FABP7: variants seen among roughly 807,000 people sequenced by gnomAD.
The protein encoded by FABP7 is fatty acid binding protein 7, also known as fatty acid-binding protein, brain.
A neutral mutation model predicts 14.2 loss-of-function variants in FABP7; 13 were observed. The ratio of observed to expected loss-of-function variants is 0.91; its 90% CI spans 0.59 to 1.45. The LOEUF (loss-of-function observed/expected upper bound fraction) is 1.45. Among genes scored for constraint, FABP7 ranks in the 40% most tolerant of loss-of-function variants. FABP7 has a pLI of 0.00. For missense variants in FABP7, 149 were observed against 157.6 expected, an observed-to-expected ratio of 0.95 and a Z score of 0.29; for synonymous variants, 49 against 51.4, an observed-to-expected ratio of 0.95 and a Z score of 0.20.
At chr6:122,757,414 C>T in the FABP7 span, among the ~76,000 whole-genome samples, 1 of 151,946 alleles carries the variant, frequency 6.6e-6, no homozygotes, top group Admixed American at 6.6e-5. Flanking sequence ...TATCGTGATA[C>T]TACTATAAAG....
At chr6:122,778,403 C>T (rs115764984), upstream of FABP7, among the ~76,000 whole-genome samples, 262 of 152,216 alleles carry the variant, frequency 1.7e-3, 1 homozygote, top group African/African-American at 6.0e-3. Context: ...CTTGAGACAC[C>T]GAAGAAGAAT....
the FABP7 span, among the ~76,000 whole-genome samples, chr6:122,760,711 CT>C: frequency 1.3e-5 from 2 of 151,828 alleles, no homozygotes; most frequent in Admixed American, 6.6e-5. Flanking sequence ...ATAAGTGGTT[CT>C]TTTTTACAAA....
intron 3 of FABP7, chr6:122,781,940 C>T (rs1301137330): frequency 6.4e-5 from 32 of 503,784 alleles, no homozygotes; most frequent in Non-Finnish European, 7.4e-5. Flanking sequence ...GATGGGATTT[C>T]GCCATGTTGC....
chr6:122,775,181 C>A (rs1780650164), upstream of FABP7, among the ~76,000 whole-genome samples: 1 of 151,922 alleles, frequency 6.6e-6, no homozygotes, highest in Non-Finnish European at 1.5e-5. Context: ...ACAAAAGACT[C>A]CAAATAGCCA....
the FABP7 span, among the ~76,000 whole-genome samples, chr6:122,773,882 T>TG: frequency 6.6e-6 from 1 of 150,784 alleles, no homozygotes; most frequent in African/African-American, 2.4e-5. Flanking sequence ...ATTTCACTAC[T>TG]TTTTAAAAAA....
At chr6:122,772,797 C>A in the FABP7 span, among the ~76,000 whole-genome samples, 6 of 152,068 alleles carry the variant, frequency 3.9e-5, no homozygotes, top group Non-Finnish European at 8.8e-5. Context: ...TTTTTTCCTA[C>A]CCCCACACCT....
At chr6:122,753,492 C>T in the FABP7 span, among the ~76,000 whole-genome samples, 1 of 152,132 alleles carries the variant, frequency 6.6e-6, no homozygotes, top group Admixed American at 6.5e-5. Context: ...TCCCCAAGTT[C>T]TCGCCCATCT....
At chr6:122,765,553 T>C in the FABP7 span, among the ~76,000 whole-genome samples, 1 of 152,060 alleles carries the variant, frequency 6.6e-6, no homozygotes, top group African/African-American at 2.4e-5. Flanking sequence ...TTCTGTCTTG[T>C]CTAATATTTT....
chr6:122,752,375 T>C, the FABP7 span, among the ~76,000 whole-genome samples: 1 of 152,206 alleles, frequency 6.6e-6, no homozygotes, highest in African/African-American at 2.4e-5. Flanking sequence ...TGTGGTTCTA[T>C]GGGTAATATT....
chr6:122,781,740 CTT>C (rs34336029), intron 3 of FABP7: 20,512 of 730,240 alleles, frequency 0.028, 1 homozygote, highest in Non-Finnish European at 0.03. Context: ...AGTGATAACC[CTT>C]TTTTTTTTTT....
the FABP7 span, among the ~76,000 whole-genome samples, chr6:122,758,229 T>A: frequency 2.3e-4 from 34 of 151,000 alleles, no homozygotes; most frequent in Non-Finnish European, 5.9e-5. Context: ...TGTCTCAGCC[T>A]CCCAAGTAGC....
At chr6:122,782,606 T>G (rs1254922052) in intron 3 of FABP7, 6 of 985,304 alleles carry the variant, frequency 6.1e-6, no homozygotes, top group African/African-American at 1.7e-5. Flanking sequence ...AATGGTATAT[T>G]GATGATACTG....
intron 2 of FABP7, 70 bp from the exon 3 acceptor site, chr6:122,781,023 A>C (rs1582519654): frequency 6.6e-7 from 1 of 1,508,280 alleles, no homozygotes; most frequent in Non-Finnish European, 8.9e-7. Context: ...TTCAAAAATC[A>C]CATCGTCTTC....
chr6:122,768,205 C>T, the FABP7 span, among the ~76,000 whole-genome samples: 3 of 152,158 alleles, frequency 2.0e-5, no homozygotes, highest in South Asian at 4.1e-4. Flanking sequence ...CATTGAAACT[C>T]TGTCAATATT....
chr6:122,749,411 A>G, the FABP7 span, among the ~76,000 whole-genome samples: 1 of 152,218 alleles, frequency 6.6e-6, no homozygotes, highest in Non-Finnish European at 1.5e-5. Context: ...CATGACCATA[A>G]TGATAATAGT....
chr6:122,765,673 A>G, the FABP7 span, among the ~76,000 whole-genome samples: 2 of 151,332 alleles, frequency 1.3e-5, no homozygotes, highest in African/African-American at 2.4e-5. Context: ...TTAATTATTA[A>G]TTTTCTTTAA....
the FABP7 span, among the ~76,000 whole-genome samples, chr6:122,765,726 AC>A: frequency 9.7e-4 from 146 of 149,926 alleles, no homozygotes; most frequent in African/African-American, 3.3e-3. Flanking sequence ...TAGCCTCCCC[AC>A]CTCCCTTTCA....
chr6:122,765,692 T>C, the FABP7 span, among the ~76,000 whole-genome samples: 1 of 152,016 alleles, frequency 6.6e-6, no homozygotes, highest in Non-Finnish European at 1.5e-5. Context: ...AATTTTTTCA[T>C]TACCTCATTT....
At chr6:122,780,566 TTTCAG>T in intron 2 of FABP7, 103 bp downstream of exon 2, 1 of 1,230,042 alleles carries the variant, frequency 8.1e-7, no homozygotes, top group South Asian at 1.4e-5. Flanking sequence ...TGTAGAATAT[TTTCAG>T]TATTTCAATC....
Sources: gnomAD v4.1 joint callset for allele counts (sites outside exome capture counted in the v4.1 genomes callset) on GRCh38, gnomAD v4.1.1 for gene constraint, MANE v1.5 for transcripts, NCBI Gene and HGNC (gene_info 2026-07-23, HGNC 2026-07-21) for gene names.